Variants in HMCN2 observed in about 807,000 individuals in gnomAD.
HMCN2 encodes hemicentin-2.
Under a neutral mutation model 377.5 loss-of-function variants are expected in HMCN2, and 325 were observed. The observed-to-expected ratio is 0.86, with a 90% confidence interval of 0.79 to 0.94. The LOEUF is 0.94. Ranked by LOEUF, HMCN2 falls within the 40% of genes least tolerant of loss-of-function variation. HMCN2 has a pLI of 0.00. For synonymous variants in HMCN2, 2,007 were observed against 2,046.8 expected, an observed-to-expected ratio of 0.98 and a Z score of 0.53; for missense variants, 4,543 against 4,725.3, an observed-to-expected ratio of 0.96 and a Z score of 1.13.
chr9:130,377,777 G>A lies in HMCN2; in HGVS notation c.8190G>A (p.Gln2730=). 1 of 985,966 alleles carries A rather than the reference G, an allele frequency of 1.0e-6. No homozygotes were observed. 61.1% of individuals were successfully genotyped at this position (985,966 alleles called of 1,614,324 possible). A position where few individuals can be genotyped will look rare whatever the true frequency, so the allele number is the denominator to read the frequency against. The change falls in exon 53 of 98, where the codon CAG becomes CAA. Residue 2730 remains glutamine (Q), a synonymous_variant. Transcript: ENST00000683500. ...CCAATGTGGCTGGCGAGGACGACCA[G>A]GACTTCAACGTGCTCATCCAGGGTG... is the stretch of plus-strand genomic sequence containing the variant. ...VATNVAGEDD[Q]DFNVLIQVPP...
intron 1 of HMCN2, among the ~76,000 whole-genome samples, chr9:130,275,099 C>A (rs74740566): frequency 0.56 from 85,250 of 151,786 alleles, 24,333 homozygotes; most frequent in East Asian, 0.87. Context: ...TTCCCCACAC[C>A]GCCGCCAGCA....
chr9:130,391,710 C>A, intron 65 of HMCN2, 136 bp downstream of exon 65: 2 of 830,584 alleles, frequency 2.4e-6, no homozygotes, highest in Non-Finnish European at 1.5e-6. Context: ...CATCCTCAAA[C>A]TAGAGGACAA....
chr9:130,281,664 C>T (rs1046339728), intron 1 of HMCN2, among the ~76,000 whole-genome samples: 6 of 151,542 alleles, frequency 4.0e-5, no homozygotes, highest in African/African-American at 7.3e-5. Flanking sequence ...GAGGCTGAGG[C>T]GGGCGGATCA....
At chr9:130,384,931 A>G in intron 59 of HMCN2, 133 bp downstream of exon 59, 1 of 451,320 alleles carries the variant, frequency 2.2e-6, no homozygotes, top group Non-Finnish European at 3.9e-6. Context: ...CGCACAGATC[A>G]GCTCTGAGGA....
At chr9:130,389,334 T>C (rs894812083) in intron 62 of HMCN2, among the ~76,000 whole-genome samples, 10 of 152,106 alleles carry the variant, frequency 6.6e-5, no homozygotes, top group African/African-American at 2.2e-4. Flanking sequence ...ACAATCAAAT[T>C]TAGAACATTT....
intron 71 of HMCN2, 42 bp from the exon 72 acceptor site, chr9:130,395,882 G>A (rs1173807880): frequency 2.4e-6 from 3 of 1,263,196 alleles, no homozygotes; most frequent in Non-Finnish European, 3.1e-6. Context: ...TGACGCAGCT[G>A]GGCACTGATA....
chr9:130,426,062 C>G, intron 90 of HMCN2, 138 bp downstream of exon 90: 1 of 688,188 alleles, frequency 1.5e-6, no homozygotes, highest in Non-Finnish European at 2.4e-6. Flanking sequence ...TGAGACGGCC[C>G]GGCTGGCCTA....
intron 4 of HMCN2, among the ~76,000 whole-genome samples, chr9:130,286,924 G>A (rs782173957): frequency 2.6e-5 from 4 of 152,056 alleles, no homozygotes; most frequent in Admixed American, 6.5e-5. Flanking sequence ...GTATCATCCT[G>A]TTCAGGGCTG....
At chr9:130,321,101 G>A (rs1228902047) in intron 18 of HMCN2, among the ~76,000 whole-genome samples, 198 bp downstream of exon 18, 4 of 152,138 alleles carry the variant, frequency 2.6e-5, no homozygotes, top group Admixed American at 1.3e-4. Flanking sequence ...AAGTCCCGCC[G>A]GCTGTCAGAT....
intron 15 of HMCN2, among the ~76,000 whole-genome samples, chr9:130,318,446 T>A (rs1359394876): frequency 1.3e-5 from 2 of 152,186 alleles, no homozygotes; most frequent in East Asian, 3.9e-4. Flanking sequence ...CCCACTTGGC[T>A]CGGACTGGCT....
chr9:130,411,701 G>A (rs1449404515), intron 85 of HMCN2, among the ~76,000 whole-genome samples: 1 of 151,842 alleles, frequency 6.6e-6, no homozygotes, highest in Non-Finnish European at 1.5e-5. Context: ...GGAAAAAGCC[G>A]GTCACAAAGA....
rs576033205 is a variant in HMCN2, at chr9:130,266,244, G to A, written c.259+107G>A. 3.0e-4 allele frequency: 107 copies of A among 357,494 alleles called. 2 individuals are homozygous for A. In the Middle Eastern group the frequency reaches 6.0e-3, roughly 20 times the overall value. The allele number at this position is 357,494 out of a possible 1,614,324, so 22.1% of individuals were successfully genotyped here. ...GCACCTGGACGTCGTGGGCTGCGCC[G>A]CGGCTTGGCGGGCGCGCCTTCTCGG... is the stretch of plus-strand genomic sequence containing the variant. On this transcript the variant is annotated intron_variant, in intron 1 of 97. Transcript: ENST00000683500.
chr9:130,358,705 G>A (rs528483442), intron 36 of HMCN2, among the ~76,000 whole-genome samples: 22 of 150,952 alleles, frequency 1.5e-4, no homozygotes, highest in African/African-American at 5.1e-4. Context: ...ATGGAGTCTC[G>A]CTCTGTCGCC....
At chr9:130,371,421 A>AAC (rs961672544) in intron 46 of HMCN2, among the ~76,000 whole-genome samples, 13 of 151,946 alleles carry the variant, frequency 8.6e-5, no homozygotes, top group African/African-American at 2.9e-4. Context: ...GCAGAAAAAA[A>AAC]AAAAACAAAC....
At chr9:130,330,852 G>A (rs1044044049) in intron 22 of HMCN2, among the ~76,000 whole-genome samples, 8 of 151,934 alleles carry the variant, frequency 5.3e-5, no homozygotes, top group Non-Finnish European at 1.0e-4. Context: ...AAAATAGACC[G>A]GTCATGGTGG....
intron 84 of HMCN2, among the ~76,000 whole-genome samples, chr9:130,409,360 C>A (rs781160102): frequency 6.6e-6 from 1 of 152,222 alleles, no homozygotes; most frequent in Non-Finnish European, 1.5e-5. Flanking sequence ...GCAGCGCCCC[C>A]ACCCCCAGGT....
Position 130,348,550 on chromosome 9 carries a change from C to G in HMCN2, c.4030C>G (p.Pro1344Ala). 7.7e-7 allele frequency: 1 copy of G among 1,304,022 alleles called. No homozygotes were observed. The highest frequency in any genetic ancestry group is 1.0e-6 in the Non-Finnish European group (1 of 988,868). 80.8% of individuals were successfully genotyped at this position (1,304,022 alleles called of 1,614,324 possible). ...RRAKLVVYVPPSIREDGRKAN... is the reference protein window; with the variant it reads ...RRAKLVVYVPASIREDGRKAN... ...CGGCTCTCCTTGCCCCCAAGTGCCCCCCAGCATCCGGGAGGACGGGCGCAA... is the reference window on the plus strand; with the variant it reads ...CGGCTCTCCTTGCCCCCAAGTGCCCGCCAGCATCCGGGAGGACGGGCGCAA... Residue 1344 changes from proline (P) to alanine (A), a missense_variant, in exon 27 of 98, where the codon CCC becomes GCC. Transcript: ENST00000683500.
chr9:130,332,614 CCCTA>C (rs1838486512), intron 22 of HMCN2, among the ~76,000 whole-genome samples: 1 of 152,254 alleles, frequency 6.6e-6, no homozygotes, highest in African/African-American at 2.4e-5. Context: ...CTCCGTCTCC[CCCTA>C]CCTACCTGAG....
intron 8 of HMCN2, among the ~76,000 whole-genome samples, chr9:130,301,789 C>T (rs782186836): frequency 1.3e-5 from 2 of 152,214 alleles, no homozygotes; most frequent in East Asian, 1.9e-4. Flanking sequence ...GATGGGGAGA[C>T]GGTGACACAA....
Sources: gnomAD v4.1 joint callset for allele counts (sites outside exome capture counted in the v4.1 genomes callset) on GRCh38, gnomAD v4.1.1 for gene constraint, MANE v1.5 for transcripts, NCBI Gene and HGNC (gene_info 2026-07-23, HGNC 2026-07-21) for gene names.